The following MPP7 variants were observed in gnomAD, a reference collection of about 807,000 sequenced individuals.
MPP7 encodes the protein MAGUK p55 subfamily member 7.
A neutral mutation model predicts 76.5 loss-of-function variants in MPP7; 60 were observed. That is an observed-to-expected ratio of 0.78 (90% CI 0.64 to 0.97). The LOEUF (loss-of-function observed/expected upper bound fraction) is 0.97. Ranked by LOEUF, MPP7 falls within the 50% of genes least tolerant of loss-of-function variation. MPP7 has a pLI of 0.00. For missense variants in MPP7, 641 were observed against 694.0 expected, an observed-to-expected ratio of 0.92 and a Z score of 0.86; for synonymous variants, 237 against 244.5, an observed-to-expected ratio of 0.97 and a Z score of 0.29.
chr10:28,176,080 A>C (rs1239936700), intron 3 of MPP7, among the ~76,000 whole-genome samples: 1 of 152,126 alleles, frequency 6.6e-6, no homozygotes, highest in Non-Finnish European at 1.5e-5. Flanking sequence ...TTTAAATTAG[A>C]AGTTGGGAAG....
intron 1 of MPP7, among the ~76,000 whole-genome samples, chr10:28,287,296 T>C (rs775522928): frequency 1.3e-5 from 2 of 152,174 alleles, no homozygotes; most frequent in South Asian, 2.1e-4. Flanking sequence ...ATTGTGTCCT[T>C]AAAAATTTGT....
chr10:28,275,409 T>C (rs570917671), intron 1 of MPP7, among the ~76,000 whole-genome samples: 14 of 145,786 alleles, frequency 9.6e-5, no homozygotes, highest in African/African-American at 3.7e-4. Context: ...TCCTAATATT[T>C]CTTTTTTTTT....
chr10:28,276,919 G>A (rs780896272), intron 1 of MPP7, among the ~76,000 whole-genome samples: 2 of 152,038 alleles, frequency 1.3e-5, no homozygotes, highest in Admixed American at 1.3e-4. Context: ...CAGGCCAGGT[G>A]TGGTGGCTCT....
intron 1 of MPP7, among the ~76,000 whole-genome samples, chr10:28,286,368 T>A (rs1840791908): frequency 6.6e-6 from 1 of 151,746 alleles, no homozygotes; most frequent in Non-Finnish European, 1.5e-5. Flanking sequence ...TAATAAAAAA[T>A]AAAAAAATAA....
At chr10:28,112,368 C>T (rs73606063) in intron 11 of MPP7, among the ~76,000 whole-genome samples, 2,565 of 151,980 alleles carry the variant, frequency 0.017, 71 homozygotes, top group African/African-American at 0.057. Flanking sequence ...AAAGACTTAG[C>T]GCCATGGAAA....
At chr10:28,162,873 T>C (rs572338800) in intron 3 of MPP7, among the ~76,000 whole-genome samples, 198 of 150,132 alleles carry the variant, frequency 1.3e-3, no homozygotes, top group Non-Finnish European at 2.0e-3. Flanking sequence ...CTCTCTCTCT[T>C]TCTCTCTCTC....
At position 28,123,595 on chromosome 10, in the gene MPP7, A is replaced by G. The variant is rs73606070; in HGVS notation, c.615+436T>C. On this transcript the variant is annotated intron_variant, in intron 8 of 16. Coordinates refer to ENST00000683449, the MANE Select transcript of MPP7 (RefSeq NM_001318170.2). Reference sequence around the variant, plus strand: ...GCGATTCTCCTGCCTCAGCCTCCCAAGTAGCTAGGACTACAGGTGACTGCC... The same window carrying G: ...GCGATTCTCCTGCCTCAGCCTCCCAGGTAGCTAGGACTACAGGTGACTGCC... 7.9e-3 allele frequency among the ~76,000 whole-genome samples: 1,190 copies of G among 151,464 alleles called. 15 individuals are homozygous for G. The highest frequency in any genetic ancestry group is 0.028 in the African/African-American group (1,137 of 41,206).
chr10:28,079,859 T>C (rs915688618), intron 12 of MPP7, among the ~76,000 whole-genome samples: 10 of 152,118 alleles, frequency 6.6e-5, no homozygotes, highest in Admixed American at 5.2e-4. Flanking sequence ...AGCATATGGA[T>C]GGGCATAATC....
chr10:28,102,604 T>C (rs1345787917), intron 11 of MPP7, among the ~76,000 whole-genome samples: 1 of 152,186 alleles, frequency 6.6e-6, no homozygotes, highest in Non-Finnish European at 1.5e-5. Context: ...CCCTGAACTT[T>C]TCCTCAGCCC....
intron 1 of MPP7, among the ~76,000 whole-genome samples, chr10:28,268,046 AAAAC>A (rs548710680): frequency 1.5e-3 from 225 of 152,048 alleles, no homozygotes; most frequent in African/African-American, 4.2e-3. Flanking sequence ...TCAAAAAACA[AAAAC>A]AAACAAACAA....
At chr10:28,128,855 C>T (rs773829171) in intron 6 of MPP7, among the ~76,000 whole-genome samples, 38 of 152,280 alleles carry the variant, frequency 2.5e-4, no homozygotes, top group Non-Finnish European at 3.7e-4. Context: ...GGCACATAGA[C>T]GCTTTTTAAA....
chr10:28,068,957 T>C (rs2800212), intron 13 of MPP7, among the ~76,000 whole-genome samples: 71,181 of 152,108 alleles, frequency 0.47, 20,198 homozygotes, highest in Non-Finnish European at 0.65. Flanking sequence ...GCGCAAATCC[T>C]TTAACCATTT....
intron 3 of MPP7, among the ~76,000 whole-genome samples, chr10:28,193,505 C>CG (rs1837481159): frequency 3.3e-5 from 5 of 152,174 alleles, no homozygotes; most frequent in Non-Finnish European, 7.3e-5. Context: ...GTCACCATGA[C>CG]TGGCCTGACA....
At chr10:28,283,767 G>A (rs1394797221) in intron 1 of MPP7, among the ~76,000 whole-genome samples, 1 of 151,942 alleles carries the variant, frequency 6.6e-6, no homozygotes, top group Non-Finnish European at 1.5e-5. Context: ...CACCCACCTC[G>A]GCCTCCCAAA....
chr10:28,236,762 G>A (rs1337433244), intron 2 of MPP7: 1 of 152,180 alleles, frequency 6.6e-6, no homozygotes, highest in Non-Finnish European at 1.5e-5. Context: ...TGTGGCACAA[G>A]GGTCTGACTT....
intron 2 of MPP7, among the ~76,000 whole-genome samples, chr10:28,219,378 T>C (rs1838419376): frequency 6.6e-6 from 1 of 152,202 alleles, no homozygotes; most frequent in African/African-American, 2.4e-5. Context: ...TTGATGAAAG[T>C]GTTCCCGCAG....
At chr10:28,259,994 T>C (rs935645658) in intron 1 of MPP7, among the ~76,000 whole-genome samples, 4 of 152,028 alleles carry the variant, frequency 2.6e-5, no homozygotes, top group African/African-American at 7.2e-5. Flanking sequence ...CTGTCCCCCA[T>C]AACAAGAAAA....
chr10:28,166,493 C>A (rs1370951738), intron 3 of MPP7, among the ~76,000 whole-genome samples: 2 of 150,478 alleles, frequency 1.3e-5, no homozygotes, highest in Non-Finnish European at 3.0e-5. Context: ...CCGCAACCTC[C>A]ACCTCCCAGG....
intron 12 of MPP7, among the ~76,000 whole-genome samples, chr10:28,077,472 C>T (rs993976055): frequency 6.6e-6 from 1 of 152,154 alleles, no homozygotes; most frequent in African/African-American, 2.4e-5. Flanking sequence ...AATCTGCCAT[C>T]CCCACTGGAG....
Sources: allele counts gnomAD v4.1 joint callset (sites outside exome capture counted in the v4.1 genomes callset), GRCh38; gene constraint gnomAD v4.1.1; transcripts MANE v1.5; gene names NCBI Gene and HGNC (gene_info 2026-07-23, HGNC 2026-07-21).